The following PRKN variants were observed in gnomAD, a reference collection of about 807,000 sequenced individuals.
PRKN encodes parkin RBR E3 ubiquitin protein ligase, also known as E3 ubiquitin-protein ligase parkin.
A neutral mutation model predicts 59.5 loss-of-function variants in PRKN; 56 were observed. The observed-to-expected ratio is 0.94, with a 90% CI of 0.76 to 1.18. The LOEUF (loss-of-function observed/expected upper bound fraction) is 1.18, where lower values mean the gene tolerates loss of function less well. PRKN is among the 50% of genes most tolerant of loss of function. The pLI is 0.00. For synonymous variants in PRKN, 250 were observed against 222.1 expected, an observed-to-expected ratio of 1.13 and a Z score of -1.12; for missense variants, 657 against 596.4, an observed-to-expected ratio of 1.10 and a Z score of -1.06.
At position 161,379,841 on chromosome 6, in the gene PRKN, G is replaced by A. The variant is rs1562407537; in HGVS notation, c.1167+6953C>T. Among the ~76,000 whole-genome samples, 2 of 152,176 alleles carry A rather than the reference G, an allele frequency of 1.3e-5. No homozygotes were observed. The highest frequency in any genetic ancestry group is 6.5e-5 in the Admixed American group (1 of 15,280). The stretch of plus-strand genomic sequence containing the variant: ...ATCCTCCAGTACACAGTCTGCACTC[G>A]AATCTCAAGCAGCTCAGGGTTTTCT... On this transcript the variant is annotated intron_variant, in intron 10 of 11. Coordinates refer to ENST00000366898, the MANE Select transcript of PRKN (RefSeq NM_004562.3). The surrounding 1 kb of genome is among the most constrained non-coding windows in gnomAD (Gnocchi z 4.9).
At chr6:162,298,165 G>A (rs1050785529) in intron 2 of PRKN, among the ~76,000 whole-genome samples, 1 of 149,798 alleles carries the variant, frequency 6.7e-6, no homozygotes, top group Non-Finnish European at 1.5e-5. Context: ...GGGTACAGAC[G>A]GAGGGGAGAG....
chr6:161,679,141 C>G lies in PRKN; in HGVS notation c.871+106631G>C, dbSNP rs1386480224. On this transcript the variant is annotated intron_variant, in intron 7 of 11. Transcript: ENST00000366898. ...TGAGCAGTCACCCTTCACTCAACTT[C>G]TAGCTTGAATAGAGGACAGAGATTT... Among the ~76,000 whole-genome samples, 3 of 152,322 alleles carry G rather than the reference C, an allele frequency of 2.0e-5. No individual in the cohort carries two copies. In the East Asian group the frequency reaches 5.8e-4, roughly 29 times the overall value.
chr6:161,810,746 T>C (rs779665522), intron 6 of PRKN, among the ~76,000 whole-genome samples: 2 of 152,218 alleles, frequency 1.3e-5, no homozygotes, highest in Non-Finnish European at 2.9e-5. Context: ...ATATGGCATA[T>C]ACCTTATACT....
intron 4 of PRKN, among the ~76,000 whole-genome samples, chr6:162,116,121 G>C (rs1780660672): frequency 6.6e-6 from 1 of 152,118 alleles, no homozygotes; most frequent in Non-Finnish European, 1.5e-5. Flanking sequence ...CATTACCCTT[G>C]AGCAGGGGGT....
At chr6:162,014,413 A>T (rs1782854929) in intron 5 of PRKN, among the ~76,000 whole-genome samples, 1 of 152,168 alleles carries the variant, frequency 6.6e-6, no homozygotes, top group Non-Finnish European at 1.5e-5. Context: ...GCGCCTCTGC[A>T]GAGGCCTCCT....
intron 1 of PRKN, among the ~76,000 whole-genome samples, chr6:162,657,064 A>C (rs1297867258): frequency 1.3e-5 from 2 of 152,234 alleles, no homozygotes; most frequent in Non-Finnish European, 2.9e-5. Context: ...CAGGGGCTAA[A>C]TATGTGGTGG....
intron 10 of PRKN, among the ~76,000 whole-genome samples, chr6:161,364,395 T>C (rs1250360790): frequency 7.5e-6 from 1 of 133,654 alleles, no homozygotes; most frequent in Non-Finnish European, 1.6e-5. Flanking sequence ...GAGGCGGAGG[T>C]TGCAGTGAGC....
chr6:161,974,833 A>T (rs1029145222), intron 5 of PRKN, among the ~76,000 whole-genome samples: 1 of 152,206 alleles, frequency 6.6e-6, no homozygotes, highest in African/African-American at 2.4e-5. Context: ...GCCAGATATT[A>T]CGCATTAAGT....
chr6:162,637,896 A>C (rs368790040), intron 1 of PRKN, among the ~76,000 whole-genome samples: 2 of 152,262 alleles, frequency 1.3e-5, no homozygotes, highest in African/African-American at 2.4e-5. Context: ...GGAAATACAA[A>C]AATTTTTCTG....
At chr6:161,802,467 A>C (rs1178931149) in intron 6 of PRKN, among the ~76,000 whole-genome samples, 5 of 148,434 alleles carry the variant, frequency 3.4e-5, no homozygotes, top group Non-Finnish European at 7.5e-5. Flanking sequence ...CATATGACCC[A>C]CACACGCCCC....
intron 1 of PRKN, among the ~76,000 whole-genome samples, chr6:162,706,251 A>G (rs1778335359): frequency 6.6e-6 from 1 of 152,120 alleles, no homozygotes; most frequent in Admixed American, 6.5e-5. Flanking sequence ...TATTAGAAAT[A>G]GAAGAAACAG....
chr6:161,695,355 T>C (rs140721270), intron 7 of PRKN, among the ~76,000 whole-genome samples: 60 of 152,290 alleles, frequency 3.9e-4, no homozygotes, highest in African/African-American at 1.3e-3. Flanking sequence ...GCAGTTTTGA[T>C]CTAATAATGT....
chr6:162,029,899 T>C (rs2128278740), intron 5 of PRKN, among the ~76,000 whole-genome samples: 1 of 152,244 alleles, frequency 6.6e-6, no homozygotes, highest in South Asian at 2.1e-4. Context: ...AGTGCAGTGG[T>C]ATTATCATAG....
At chr6:161,472,795 C>T (rs1746074182) in intron 9 of PRKN, among the ~76,000 whole-genome samples, 2 of 152,124 alleles carry the variant, frequency 1.3e-5, no homozygotes, top group Admixed American at 1.3e-4. Context: ...ATGCCTACAA[C>T]TCAATAGCAA....
Position 161,856,794 on chromosome 6 carries a change from A to G in PRKN, c.735-70886T>C, listed in dbSNP as rs892367199. The stretch of plus-strand genomic sequence containing the variant: ...TTATTCTTGCTTCCCGCTACTCAAG[A>G]ACATAAAATAAAAGCTCTCAAGTAC... On this transcript the variant is annotated intron_variant, in intron 6 of 11. Coordinates refer to ENST00000366898, the MANE Select transcript of PRKN (RefSeq NM_004562.3). Among the ~76,000 whole-genome samples the G allele has an allele frequency of 4.6e-5, 7 of 152,154 alleles. 1 individual carries two copies. The highest frequency in any genetic ancestry group is 7.3e-5 in the Non-Finnish European group (5 of 68,032).
chr6:162,409,814 G>A (rs550595926), intron 2 of PRKN, among the ~76,000 whole-genome samples: 173 of 152,122 alleles, frequency 1.1e-3, no homozygotes, highest in Non-Finnish European at 2.1e-3. Flanking sequence ...ATTCAAAGAC[G>A]AATTTAAAAT....
At chr6:161,892,028 C>CAAG (rs1795362528) in intron 6 of PRKN, among the ~76,000 whole-genome samples, 1 of 152,284 alleles carries the variant, frequency 6.6e-6, no homozygotes, top group South Asian at 2.1e-4. Flanking sequence ...TCTGGGTGAC[C>CAAG]TCTTAACTAT....
chr6:161,886,523 C>G (rs184950144), intron 6 of PRKN, among the ~76,000 whole-genome samples: 1 of 152,014 alleles, frequency 6.6e-6, no homozygotes, highest in Non-Finnish European at 1.5e-5. Context: ...ACAGAGAAAC[C>G]CCGTCTCTAC....
intron 7 of PRKN, among the ~76,000 whole-genome samples, chr6:161,706,497 C>G (rs1786501599): frequency 6.6e-6 from 1 of 152,226 alleles, no homozygotes; most frequent in Admixed American, 6.5e-5. Context: ...CCTTACTCAT[C>G]TGTTCTAGGA....
Sources: gnomAD v4.1 joint callset for allele counts (sites outside exome capture counted in the v4.1 genomes callset) on GRCh38, gnomAD v4.1.1 for gene constraint, Gnocchi (gnomAD v3.1) non-coding constraint, MANE v1.5 for transcripts, NCBI Gene and HGNC (gene_info 2026-07-23, HGNC 2026-07-21) for gene names.